NRXN1: variants seen among roughly 807,000 people sequenced by gnomAD.
The protein encoded by NRXN1 is neurexin-1.
A neutral mutation model predicts 150.9 loss-of-function variants in NRXN1; 39 were observed. The observed-to-expected ratio is 0.26, with a 90% confidence interval of 0.20 to 0.34. The LOEUF is 0.34. Among genes scored for constraint, NRXN1 ranks in the 10% least tolerant of loss-of-function variants. The pLI is 1.00. For synonymous variants in NRXN1, 924 were observed against 757.0 expected (o/e 1.22, Z -3.62); for missense variants, 1,815 against 1,949.9 (o/e 0.93, Z 1.30).
chr2:50,231,556 A>G (rs1477008865), intron 18 of NRXN1, among the ~76,000 whole-genome samples: 2 of 152,102 alleles, frequency 1.3e-5, no homozygotes, highest in African/African-American at 2.4e-5. Flanking sequence ...AAGTACAAAG[A>G]AGCAACACTT....
At chr2:50,333,071 T>A (rs1316522678) in intron 17 of NRXN1, among the ~76,000 whole-genome samples, 1 of 152,222 alleles carries the variant, frequency 6.6e-6, no homozygotes, top group African/African-American at 2.4e-5. Context: ...CAAGTCCATA[T>A]GGACTGGACC....
chr2:50,875,368 T>C (rs1224289232), intron 5 of NRXN1, among the ~76,000 whole-genome samples: 1 of 151,784 alleles, frequency 6.6e-6, no homozygotes, highest in Non-Finnish European at 1.5e-5. Flanking sequence ...ATTCTACTAA[T>C]GTACACTCTC....
chr2:50,718,859 C>T (rs1462639169), intron 5 of NRXN1, among the ~76,000 whole-genome samples: 3 of 152,046 alleles, frequency 2.0e-5, no homozygotes, highest in Non-Finnish European at 2.9e-5. Flanking sequence ...TCTCATCCTC[C>T]ATCTCTTCTC....
chr2:50,748,418 C>T (rs1422365205), intron 5 of NRXN1, among the ~76,000 whole-genome samples: 2 of 152,094 alleles, frequency 1.3e-5, no homozygotes, highest in Admixed American at 6.6e-5. Context: ...TACCAAATAA[C>T]CATTGAAGAA....
Position 50,357,123 on chromosome 2 carries a change from A to T in NRXN1, c.3364+108319T>A, listed in dbSNP as rs188934656. ...GAGACCCCATCTCTACAAAAAATTT[A>T]AAAAAATTTTGTAGAGGCATGGTGG... On this transcript the variant is annotated intron_variant, in intron 17 of 22. Coordinates refer to ENST00000401669, the MANE Select transcript of NRXN1 (RefSeq NM_001330078.2). 2.5e-4 allele frequency among the ~76,000 whole-genome samples: 38 copies of T among 151,884 alleles called. No individual in the cohort carries two copies. In the East Asian group the frequency reaches 3.5e-3, roughly 14 times the overall value.
At chr2:50,414,722 C>A (rs2083420447) in intron 17 of NRXN1, among the ~76,000 whole-genome samples, 1 of 151,768 alleles carries the variant, frequency 6.6e-6, no homozygotes, top group Non-Finnish European at 1.5e-5. Flanking sequence ...TATACTATAA[C>A]CATTTAAAAA....
chr2:50,751,399 G>A (rs1025855870), intron 5 of NRXN1, among the ~76,000 whole-genome samples: 5 of 151,958 alleles, frequency 3.3e-5, no homozygotes, highest in Admixed American at 6.6e-5. Flanking sequence ...TATTCTCCCA[G>A]ATCAGGACCT....
At chr2:50,874,114 A>C (rs889960668) in intron 5 of NRXN1, among the ~76,000 whole-genome samples, 1 of 151,890 alleles carries the variant, frequency 6.6e-6, no homozygotes, top group African/African-American at 2.4e-5. Flanking sequence ...AATCAAACCA[A>C]AGTCATCAAC....
chr2:50,402,163 A>G (rs2882692), intron 17 of NRXN1, among the ~76,000 whole-genome samples: 47,303 of 152,012 alleles, frequency 0.31, 9,530 homozygotes, highest in African/African-American at 0.56. Context: ...CAGAAGAAAA[A>G]TAAAGGTGAC....
chr2:50,391,737 C>T (rs1433043005), intron 17 of NRXN1, among the ~76,000 whole-genome samples: 1 of 152,056 alleles, frequency 6.6e-6, no homozygotes, highest in Admixed American at 6.6e-5. Context: ...GGTTACAAAG[C>T]TTCTAATTTA....
At chr2:50,222,102 T>A (rs1369795903) in intron 18 of NRXN1, among the ~76,000 whole-genome samples, 2 of 151,990 alleles carry the variant, frequency 1.3e-5, no homozygotes, top group Non-Finnish European at 2.9e-5. Context: ...GACTCTGAAA[T>A]GAGTACTGCT....
At chr2:50,714,428 G>A (rs1054923736) in intron 5 of NRXN1, among the ~76,000 whole-genome samples, 6 of 152,068 alleles carry the variant, frequency 3.9e-5, no homozygotes, top group Non-Finnish European at 8.8e-5. Context: ...CTAGGTTGGT[G>A]CATGTCCAAC....
At chr2:50,098,874 T>G (rs1277575159) in intron 18 of NRXN1, among the ~76,000 whole-genome samples, 9 of 73,620 alleles carry the variant, frequency 1.2e-4, no homozygotes, top group African/African-American at 4.1e-4. Context: ...TTTTTTTTTT[T>G]TTTTTTTTGG....
intron 8 of NRXN1, among the ~76,000 whole-genome samples, chr2:50,617,458 G>C (rs1679246075): frequency 6.6e-6 from 1 of 150,926 alleles, no homozygotes; most frequent in Non-Finnish European, 1.5e-5. Context: ...AGCCCTCCAA[G>C]TGAGGTATGT....
chr2:50,852,939 T>G (rs574102325), intron 5 of NRXN1, among the ~76,000 whole-genome samples: 1 of 152,292 alleles, frequency 6.6e-6, no homozygotes, highest in African/African-American at 2.4e-5. Flanking sequence ...TTGTAAAATA[T>G]TGTGCTAAGA....
At chr2:50,105,610 A>C (rs994566215) in intron 18 of NRXN1, among the ~76,000 whole-genome samples, 2 of 152,024 alleles carry the variant, frequency 1.3e-5, no homozygotes, top group African/African-American at 4.8e-5. Context: ...CATAATCATC[A>C]AAACAAGGTT....
chr2:50,560,590 G>A (rs1234288532), intron 8 of NRXN1, among the ~76,000 whole-genome samples: 2 of 152,010 alleles, frequency 1.3e-5, no homozygotes, highest in East Asian at 3.9e-4. Context: ...GTGCTACCAC[G>A]CCCGGTTAAT....
At chr2:50,845,983 T>A (rs116005379) in intron 5 of NRXN1, among the ~76,000 whole-genome samples, 1 of 152,216 alleles carries the variant, frequency 6.6e-6, no homozygotes, top group Non-Finnish European at 1.5e-5. Context: ...CATTTCAGTA[T>A]TGCTGACTGG....
At chr2:50,502,583 G>C (rs933801672) in intron 13 of NRXN1, among the ~76,000 whole-genome samples, 9 of 152,070 alleles carry the variant, frequency 5.9e-5, no homozygotes, top group Admixed American at 5.9e-4. Context: ...AACTATTTTA[G>C]ATGCATTATT....
Sources: gnomAD v4.1 joint callset for allele counts (sites outside exome capture counted in the v4.1 genomes callset) on GRCh38, gnomAD v4.1.1 for gene constraint, MANE v1.5 for transcripts, NCBI Gene and HGNC (gene_info 2026-07-23, HGNC 2026-07-21) for gene names.